Variants in PACS2 observed in about 807,000 individuals in gnomAD.
The protein encoded by PACS2 is phosphofurin acidic cluster sorting protein 2, also known as PACS1-like protein.
PACS2 carries 36 observed loss-of-function variants against 113.0 expected under a neutral mutation model. The ratio of observed to expected loss-of-function variants is 0.32; its 90% CI spans 0.24 to 0.42. PACS2 has a LOEUF of 0.42. Ranked by LOEUF, PACS2 falls within the 10% of genes least tolerant of loss-of-function variation. PACS2 has a pLI of 1.00. For missense variants in PACS2, 1,015 were observed against 1,239.5 expected (o/e 0.82, Z 2.72); for synonymous variants, 589 against 536.1 (o/e 1.10, Z -1.36).
rs1430940744 is a variant in PACS2, at chr14:105,376,268, T to C, written c.802-500T>C. Among the ~76,000 whole-genome samples the C allele has an allele frequency of 2.0e-5, 3 of 150,592 alleles. No individual in the cohort carries two copies. Among genetic ancestry groups the C allele is most frequent in the African/African-American group, 7.4e-5 (3 of 40,672 alleles). ...CCACGCTGGGTGGATGACGCCCTCC[T>C]CCCCCCGCCACCGAGAGCTGCAGGC... On this transcript the variant is annotated intron_variant, in intron 8 of 24. Transcript: ENST00000447393. The surrounding 1 kb of genome is among the most constrained non-coding windows in gnomAD (Gnocchi z 4.7).
chr14:105,334,175 T>C (rs1251973608), intron 1 of PACS2, among the ~76,000 whole-genome samples: 1 of 152,220 alleles, frequency 6.6e-6, no homozygotes, highest in Admixed American at 6.5e-5. Context: ...TCCTCCTGCG[T>C]TGGGCTCATC....
intron 3 of PACS2, 80 bp downstream of exon 3, chr14:105,352,547 G>A: frequency 1.3e-6 from 1 of 770,964 alleles, no homozygotes; most frequent in Non-Finnish European, 2.3e-6. Flanking sequence ...TGTCCCCTGG[G>A]GAGACGGGCC....
At chr14:105,387,890 G>A (rs782249782) in intron 19 of PACS2, among the ~76,000 whole-genome samples, 9 of 152,218 alleles carry the variant, frequency 5.9e-5, no homozygotes, top group Admixed American at 6.5e-5. Flanking sequence ...TCGCGTGCCT[G>A]GGAGGACACA....
At chr14:105,312,387 C>T (rs1417833300), upstream of PACS2, among the ~76,000 whole-genome samples, 1 of 152,222 alleles carries the variant, frequency 6.6e-6, no homozygotes, top group African/African-American at 2.4e-5. Context: ...GTGGTAGGAC[C>T]AGCTTTCAGG....
chr14:105,335,446 C>A (rs895592900), intron 1 of PACS2, among the ~76,000 whole-genome samples: 6 of 148,940 alleles, frequency 4.0e-5, no homozygotes, highest in Admixed American at 1.3e-4. Context: ...TGGCGTGGCT[C>A]TGACGCTGTG....
intron 21 of PACS2, 91 bp from the exon 22 acceptor site, chr14:105,391,540 C>T (rs587672497): frequency 6.5e-6 from 7 of 1,072,966 alleles, no homozygotes; most frequent in Admixed American, 2.3e-5. Context: ...CAGGAGCTGC[C>T]TGGCCTGGCC....
At chr14:105,342,087 A>G (rs2059747651) in intron 1 of PACS2, among the ~76,000 whole-genome samples, 1 of 152,026 alleles carries the variant, frequency 6.6e-6, no homozygotes, top group Non-Finnish European at 1.5e-5. Flanking sequence ...AGTGGTGAGG[A>G]AGGGAAATCT....
intron 10 of PACS2, 90 bp from the exon 11 acceptor site, chr14:105,379,990 C>T (rs2080923349): frequency 2.2e-6 from 3 of 1,342,330 alleles, no homozygotes; most frequent in Non-Finnish European, 3.1e-6. Context: ...GTACCCCGGG[C>T]CTCCCTGAGT....
Position 105,368,550 on chromosome 14 carries a change from A to T in PACS2, c.741+11A>T. On this transcript the variant is annotated intron_variant, in intron 7 of 24. Transcript: ENST00000447393. ...ACGTCCATGACCAGGGTTGGTGGAGACTGCTTCTATGAATGCTGGGGAAGG... is the reference window on the plus strand; with the variant it reads ...ACGTCCATGACCAGGGTTGGTGGAGTCTGCTTCTATGAATGCTGGGGAAGG... 2 of 1,607,282 alleles carry T rather than the reference A, an allele frequency of 1.2e-6. No individual in the cohort carries two copies. Among genetic ancestry groups the T allele is most frequent in the African/African-American group, 1.3e-5 (1 of 74,918 alleles).
intron 7 of PACS2, among the ~76,000 whole-genome samples, 177 bp downstream of exon 7, chr14:105,368,716 C>G (rs2061040786): frequency 6.6e-6 from 1 of 152,234 alleles, no homozygotes; most frequent in Non-Finnish European, 1.5e-5. Context: ...ACTGTCTCCC[C>G]TGCCTCGCCA....
At chr14:105,313,010 C>T (rs587716383), upstream of PACS2, among the ~76,000 whole-genome samples, 6 of 152,290 alleles carry the variant, frequency 3.9e-5, no homozygotes, top group East Asian at 3.9e-4. Flanking sequence ...AGAACTGTCA[C>T]GTCCCTTAAG....
At chr14:105,333,397 C>T (rs1298737110) in intron 1 of PACS2, among the ~76,000 whole-genome samples, 5 of 152,250 alleles carry the variant, frequency 3.3e-5, no homozygotes, top group African/African-American at 1.2e-4. Flanking sequence ...CTGCCTGCAG[C>T]ACAGGCCGGC....
intron 8 of PACS2, among the ~76,000 whole-genome samples, chr14:105,375,556 A>G (rs587750867): frequency 6.6e-6 from 1 of 152,244 alleles, no homozygotes; most frequent in South Asian, 2.1e-4. Flanking sequence ...GCCAATAAGT[A>G]CACGATCATC....
rs917116402 is a variant in PACS2, at chr14:105,323,728, G to A, written c.119+8691G>A. ...GTGCAGGGCTTGGGACAGGGCTTTC[G>A]GAGGTGGTCTGCAGTGATCCAGGGA... On this transcript the variant is annotated intron_variant, in intron 1 of 24. Transcript: ENST00000447393. The surrounding 1 kb of genome is among the most constrained non-coding windows in gnomAD (Gnocchi z 4.1). Among the ~76,000 whole-genome samples, 26 of 152,182 alleles carry A rather than the reference G, an allele frequency of 1.7e-4. No homozygotes were observed. The highest frequency in any genetic ancestry group is 5.1e-4 in the African/African-American group (21 of 41,450).
rs1595590631 is a variant in PACS2 at position 105,330,937 on chromosome 14, G to A, written c.119+15900G>A. ...GGGCCTAGCCTTGCTCTGGTGAACGGCTTTGTTGGATGCTGGGGTTGGCAT... is the reference window on the plus strand; with the variant it reads ...GGGCCTAGCCTTGCTCTGGTGAACGACTTTGTTGGATGCTGGGGTTGGCAT... On this transcript the variant is annotated intron_variant, in intron 1 of 24. Coordinates refer to ENST00000447393, the MANE Select transcript of PACS2 (RefSeq NM_001100913.3). The surrounding 1 kb of genome is among the most constrained non-coding windows in gnomAD (Gnocchi z 6.9). Among the ~76,000 whole-genome samples the A allele has an allele frequency of 6.6e-6, 1 of 152,168 alleles. No individual in the cohort carries two copies. The highest frequency in any genetic ancestry group is 1.9e-4 in the East Asian group (1 of 5,178).
intron 1 of PACS2, among the ~76,000 whole-genome samples, chr14:105,308,911 C>T (rs1198148107): frequency 6.6e-6 from 1 of 151,746 alleles, no homozygotes; most frequent in African/African-American, 2.4e-5. Context: ...GAGATCTGGC[C>T]TACAGTGAGC....
upstream of PACS2, among the ~76,000 whole-genome samples, chr14:105,310,776 A>C (rs905899596): frequency 6.6e-6 from 1 of 152,186 alleles, no homozygotes; most frequent in Non-Finnish European, 1.5e-5. Context: ...ATAGGAGATA[A>C]AGATAAGCAA....
At chr14:105,381,183 G>C (rs1009484060) in intron 12 of PACS2, 84 bp downstream of exon 12, 5 of 1,240,936 alleles carry the variant, frequency 4.0e-6, no homozygotes, top group African/African-American at 2.9e-5. Flanking sequence ...GGGTGGGTGC[G>C]TGTCAGTCCA....
At chr14:105,347,411 G>A (rs1359442463) in intron 1 of PACS2, among the ~76,000 whole-genome samples, 1 of 152,170 alleles carries the variant, frequency 6.6e-6, no homozygotes, top group African/African-American at 2.4e-5. Flanking sequence ...GAAGCACGTG[G>A]CGGCCACTGT....
Sources: gnomAD v4.1 joint callset for allele counts (sites outside exome capture counted in the v4.1 genomes callset) on GRCh38, gnomAD v4.1.1 for gene constraint, Gnocchi (gnomAD v3.1) non-coding constraint, MANE v1.5 for transcripts, NCBI Gene and HGNC (gene_info 2026-07-23, HGNC 2026-07-21) for gene names.